TTBK2: variants seen among roughly 807,000 people sequenced by gnomAD.
The protein encoded by TTBK2 is tau-tubulin kinase 2.
TTBK2 carries 28 observed loss-of-function variants against 110.8 expected under a neutral mutation model. The observed-to-expected ratio is 0.25, with a 90% CI of 0.19 to 0.35. TTBK2 has a LOEUF of 0.35. TTBK2 is among the 10% of genes least tolerant of loss of function. The pLI, the probability that TTBK2 is intolerant of heterozygous loss-of-function variation, is 1.00. For synonymous variants in TTBK2, 532 were observed against 527.3 expected (o/e 1.01, Z -0.12); for missense variants, 1,369 against 1,500.3 (o/e 0.91, Z 1.45).
chr15:42,763,100 A>G lies in TTBK2; in HGVS notation c.1999-9853T>C, dbSNP rs1176277247. Among the ~76,000 whole-genome samples, 11 of 120,178 alleles carry G rather than the reference A, an allele frequency of 9.2e-5. 1 individual carries two copies. The highest frequency in any genetic ancestry group is 1.9e-4 in the African/African-American group (5 of 26,394). 78.8% of individuals were successfully genotyped at this position (120,178 alleles called of 152,430 possible). On this transcript the variant is annotated intron_variant, in intron 13 of 14. Coordinates refer to ENST00000267890, the MANE Select transcript of TTBK2 (RefSeq NM_173500.4). ...TTAACAATTTTATATATATATATAT[A>G]TACGTATATATATATATACACATAT...
intron 9 of TTBK2, among the ~76,000 whole-genome samples, chr15:42,795,369 A>G (rs138283195): frequency 6.6e-6 from 1 of 151,668 alleles, no homozygotes; most frequent in East Asian, 1.9e-4. Context: ...TGTTAGTTTG[A>G]TTTATATCCT....
intron 14 of TTBK2, among the ~76,000 whole-genome samples, chr15:42,747,922 T>C (rs1595873175): frequency 6.6e-6 from 1 of 152,110 alleles, no homozygotes; most frequent in Non-Finnish European, 1.5e-5. Flanking sequence ...ATGATACACT[T>C]TAGATCGATA....
intron 3 of TTBK2, chr15:42,855,332 T>C (rs1194373011): frequency 1.3e-5 from 2 of 152,218 alleles, no homozygotes; most frequent in Non-Finnish European, 2.9e-5. Context: ...AGTACCCTAG[T>C]GGTCATACTG....
At chr15:42,763,167 T>TATATATATAC (rs1889143205) in intron 13 of TTBK2, among the ~76,000 whole-genome samples, 1 of 13,974 alleles carries the variant, frequency 7.2e-5, no homozygotes, top group African/African-American at 3.4e-4. Flanking sequence ...CATATATATA[T>TATATATATAC]ATATATATAT....
intron 14 of TTBK2, among the ~76,000 whole-genome samples, chr15:42,747,895 A>C (rs1372625003): frequency 6.6e-6 from 1 of 152,194 alleles, no homozygotes; most frequent in Non-Finnish European, 1.5e-5. Context: ...TTGGAAAAAA[A>C]CTTCACATCA....
At chr15:42,889,617 C>A (rs1895375782) in intron 1 of TTBK2, among the ~76,000 whole-genome samples, 1 of 152,160 alleles carries the variant, frequency 6.6e-6, no homozygotes, top group South Asian at 2.1e-4. Context: ...GTCTTGGGTC[C>A]TCCCAATTCT....
At chr15:42,838,855 G>GAAAAGA (rs1463080033) in intron 4 of TTBK2, among the ~76,000 whole-genome samples, 1 of 152,058 alleles carries the variant, frequency 6.6e-6, no homozygotes, top group African/African-American at 2.4e-5. Context: ...TGTTACTGAT[G>GAAAAGA]AAAAGAAAAA....
At chr15:42,793,539 C>A (rs1158717666) in intron 10 of TTBK2, among the ~76,000 whole-genome samples, 3 of 150,442 alleles carry the variant, frequency 2.0e-5, no homozygotes, top group Non-Finnish European at 4.4e-5. Context: ...GTAACACAGC[C>A]AGACTCCATC....
At chr15:42,878,837 C>G (rs539353178) in intron 1 of TTBK2, among the ~76,000 whole-genome samples, 153 bp from the exon 2 acceptor site, 7 of 152,100 alleles carry the variant, frequency 4.6e-5, no homozygotes, top group African/African-American at 1.2e-4. Flanking sequence ...ATGTTTGATG[C>G]GTATTTTTAA....
chr15:42,802,306 C>G (rs1361224656), intron 9 of TTBK2: 1 of 782,946 alleles, frequency 1.3e-6, no homozygotes, highest in Non-Finnish European at 2.3e-6. Flanking sequence ...GCTCGAGGAG[C>G]TGATGCAGGC....
At chr15:42,781,491 C>T (rs1198225338) in intron 11 of TTBK2, among the ~76,000 whole-genome samples, 1 of 152,100 alleles carries the variant, frequency 6.6e-6, no homozygotes, top group Non-Finnish European at 1.5e-5. Context: ...AAAACCTTAT[C>T]TTTCCTAATG....
intron 6 of TTBK2, among the ~76,000 whole-genome samples, chr15:42,820,109 G>A (rs1274667489): frequency 6.6e-6 from 1 of 152,172 alleles, no homozygotes; most frequent in African/African-American, 2.4e-5. Context: ...CAGCTGTTTA[G>A]AGAAATCTTG....
intron 3 of TTBK2, among the ~76,000 whole-genome samples, chr15:42,849,648 T>C (rs1167791552): frequency 6.6e-6 from 1 of 152,248 alleles, no homozygotes; most frequent in African/African-American, 2.4e-5. Flanking sequence ...AAGTTCTGAC[T>C]GGCCTTCTGT....
In TTBK2 at chr15:42,745,071, A is replaced by G. The variant is rs1302385661; in HGVS notation, c.*724T>C. On this transcript the variant is annotated 3_prime_UTR_variant, in exon 15 of 15. Transcript: ENST00000267890. Reference sequence around the variant, plus strand: ...TTTACCTAACTTTCTTATTTTTCATAATAAAAATGTAATATGTTAAGAACT... The same window carrying G: ...TTTACCTAACTTTCTTATTTTTCATGATAAAAATGTAATATGTTAAGAACT... The G allele has an allele frequency of 6.5e-6, 1 of 154,292 alleles. No individual in the cohort carries two copies. Among genetic ancestry groups the G allele is most frequent in the African/African-American group, 2.4e-5 (1 of 41,506 alleles). The allele number at this position is 154,292 out of a possible 1,614,324, so 9.6% of individuals were successfully genotyped here. A position where few individuals can be genotyped will look rare whatever the true frequency, so the allele number is the denominator to read the frequency against.
chr15:42,748,152 AGGG>A (rs888091970), intron 14 of TTBK2, among the ~76,000 whole-genome samples: 2 of 152,198 alleles, frequency 1.3e-5, no homozygotes, highest in Non-Finnish European at 2.9e-5. Context: ...TTTGCAGAGA[AGGG>A]GGTTAGTTAC....
At chr15:42,900,693 C>T (rs1037982814) in intron 1 of TTBK2, among the ~76,000 whole-genome samples, 4 of 152,010 alleles carry the variant, frequency 2.6e-5, no homozygotes, top group Non-Finnish European at 5.9e-5. Flanking sequence ...GCACAGCACT[C>T]CATGGGAAAC....
intron 9 of TTBK2, chr15:42,801,205 A>T: frequency 1.4e-6 from 2 of 1,463,358 alleles, no homozygotes. Flanking sequence ...TGCATCCCAG[A>T]CTCCAGCCAG....
chr15:42,844,096 C>T (rs1373792715), intron 3 of TTBK2, among the ~76,000 whole-genome samples: 1 of 152,202 alleles, frequency 6.6e-6, no homozygotes, highest in Non-Finnish European at 1.5e-5. Flanking sequence ...ATTAAACTCT[C>T]TGCTGCAACA....
chr15:42,816,113 T>TATATATATATAC (rs1567040901), intron 7 of TTBK2, among the ~76,000 whole-genome samples: 21 of 125,268 alleles, frequency 1.7e-4, no homozygotes, highest in African/African-American at 6.9e-4. Flanking sequence ...TATATATATA[T>TATATATATATAC]ATATATGTGT....
Sources: allele counts gnomAD v4.1 joint callset (sites outside exome capture counted in the v4.1 genomes callset), GRCh38; gene constraint gnomAD v4.1.1; transcripts MANE v1.5; gene names NCBI Gene and HGNC (gene_info 2026-07-23, HGNC 2026-07-21).